EYS: variants seen among roughly 807,000 people sequenced by gnomAD.
EYS encodes EGF-like photoreceptor maintenance factor.
A neutral mutation model predicts 282.1 loss-of-function variants in EYS; 250 were observed. That is an observed-to-expected ratio of 0.89 (90% confidence interval 0.80 to 0.98). EYS has a LOEUF of 0.98. Ranked by LOEUF, EYS falls within the 50% of genes least tolerant of loss-of-function variation. The pLI, the probability that EYS is intolerant of heterozygous loss-of-function variation, is 0.00. For missense variants in EYS, 4,016 were observed against 3,709.0 expected (o/e 1.08, Z -2.15); for synonymous variants, 1,355 against 1,282.9 (o/e 1.06, Z -1.20).
intron 7 of EYS, among the ~76,000 whole-genome samples, chr6:65,401,477 A>G (rs928074219): frequency 6.6e-6 from 1 of 151,638 alleles, no homozygotes; most frequent in Admixed American, 6.6e-5. Context: ...AGAATTGTAA[A>G]TTAAAAGTAA....
At chr6:64,806,691 C>T (rs56886711) in intron 22 of EYS, among the ~76,000 whole-genome samples, 10,326 of 151,062 alleles carry the variant, frequency 0.068, 364 homozygotes, top group African/African-American at 0.092. Context: ...ATGGAGATAA[C>T]GACCAAGGAG....
intron 33 of EYS, among the ~76,000 whole-genome samples, chr6:64,020,012 G>T (rs910525159): frequency 6.6e-6 from 1 of 151,730 alleles, no homozygotes; most frequent in African/African-American, 2.4e-5. Flanking sequence ...TAACATTTTC[G>T]CAGAGTAATC....
At chr6:64,177,596 A>G (rs1764674164) in intron 31 of EYS, among the ~76,000 whole-genome samples, 1 of 152,178 alleles carries the variant, frequency 6.6e-6, no homozygotes, top group African/African-American at 2.4e-5. Flanking sequence ...TCACCTAGAT[A>G]ATTTTTGGTT....
intron 2 of EYS, among the ~76,000 whole-genome samples, chr6:65,561,778 A>C (rs1309195035): frequency 6.6e-6 from 1 of 151,910 alleles, no homozygotes; most frequent in Non-Finnish European, 1.5e-5. Context: ...CCACTACTCT[A>C]CTTCTATTAC....
At chr6:65,053,198 T>A (rs1192052630) in intron 13 of EYS, among the ~76,000 whole-genome samples, 1 of 151,760 alleles carries the variant, frequency 6.6e-6, no homozygotes, top group African/African-American at 2.4e-5. Flanking sequence ...AAGTTATAAC[T>A]GGTAATAAAA....
intron 31 of EYS, among the ~76,000 whole-genome samples, chr6:64,204,718 G>T (rs1298497300): frequency 6.6e-6 from 1 of 152,116 alleles, no homozygotes; most frequent in Non-Finnish European, 1.5e-5. Flanking sequence ...TTATGAACAA[G>T]CACAAGAAAA....
At chr6:65,544,510 C>A (rs1211531159) in intron 2 of EYS, among the ~76,000 whole-genome samples, 1 of 151,964 alleles carries the variant, frequency 6.6e-6, no homozygotes, top group Non-Finnish European at 1.5e-5. Flanking sequence ...AGGGCTTTCC[C>A]CCCTTTTGCT....
chr6:64,824,069 G>GA (rs947059219), intron 19 of EYS, among the ~76,000 whole-genome samples: 1 of 151,890 alleles, frequency 6.6e-6, no homozygotes, highest in African/African-American at 2.4e-5. Context: ...TGACTAGAGT[G>GA]AGTTACAGAT....
intron 26 of EYS, among the ~76,000 whole-genome samples, chr6:64,528,508 C>A (rs1777996492): frequency 1.3e-5 from 2 of 151,904 alleles, no homozygotes; most frequent in South Asian, 2.1e-4. Context: ...TAACATTTAA[C>A]CATTATTTCT....
chr6:64,251,799 G>C (rs565109780), intron 30 of EYS, among the ~76,000 whole-genome samples: 1 of 152,146 alleles, frequency 6.6e-6, no homozygotes, highest in Non-Finnish European at 1.5e-5. Context: ...CTCTTGAAGA[G>C]GTTAATGAGA....
intron 26 of EYS, among the ~76,000 whole-genome samples, chr6:64,449,479 A>G (rs1375883213): frequency 6.6e-6 from 1 of 152,188 alleles, no homozygotes; most frequent in Admixed American, 6.5e-5. Flanking sequence ...AGGCAGGCCA[A>G]CATTCAAATT....
chr6:65,200,611 G>A (rs1765876948), intron 12 of EYS, among the ~76,000 whole-genome samples: 1 of 151,552 alleles, frequency 6.6e-6, no homozygotes, highest in Non-Finnish European at 1.5e-5. Flanking sequence ...GAATTGACAC[G>A]AAGTACAGTT....
At chr6:64,601,801 C>T (rs193236035) in intron 24 of EYS, among the ~76,000 whole-genome samples, 7 of 152,152 alleles carry the variant, frequency 4.6e-5, no homozygotes, top group Non-Finnish European at 7.4e-5. Flanking sequence ...CTCAACCTAA[C>T]CTGACCCTGT....
chr6:64,287,630 C>T (rs1308185273), intron 30 of EYS, among the ~76,000 whole-genome samples: 7 of 136,694 alleles, frequency 5.1e-5, no homozygotes, highest in Non-Finnish European at 9.5e-5. Flanking sequence ...TGTAATGAGG[C>T]GGTATGGCCA....
intron 22 of EYS, among the ~76,000 whole-genome samples, chr6:64,692,347 T>TTGTTTG (rs1339480468): frequency 6.6e-6 from 1 of 152,142 alleles, no homozygotes; most frequent in Admixed American, 6.5e-5. Context: ...ACGGGGTTAT[T>TTGTTTG]AGTTAAATTC....
intron 2 of EYS, among the ~76,000 whole-genome samples, chr6:65,619,566 C>T (rs1766382749): frequency 6.6e-6 from 1 of 152,026 alleles, no homozygotes; most frequent in Non-Finnish European, 1.5e-5. Context: ...GCCTAATTGC[C>T]CTGGCCAGAA....
At chr6:64,665,490 AGTCACCATTAATATG>A (rs1447427067) in intron 22 of EYS, among the ~76,000 whole-genome samples, 2 of 152,208 alleles carry the variant, frequency 1.3e-5, no homozygotes, top group Non-Finnish European at 2.9e-5. Flanking sequence ...AAACAGCCCT[AGTCACCATTAATATG>A]GTCATTCTAA....
intron 12 of EYS, among the ~76,000 whole-genome samples, chr6:65,168,244 G>A (rs887837460): frequency 2.0e-5 from 3 of 151,130 alleles, no homozygotes; most frequent in Non-Finnish European, 4.4e-5. Flanking sequence ...GGCAGGCCTG[G>A]AAGTTCAGTA....
intron 31 of EYS, among the ~76,000 whole-genome samples, chr6:64,103,745 A>T (rs999655254): frequency 6.6e-6 from 1 of 152,182 alleles, no homozygotes; most frequent in African/African-American, 2.4e-5. Flanking sequence ...TCAGCAATGT[A>T]CAAGCAGCTT....
Sources: allele counts gnomAD v4.1 joint callset (sites outside exome capture counted in the v4.1 genomes callset), GRCh38; gene constraint gnomAD v4.1.1; transcripts MANE v1.5; gene names NCBI Gene and HGNC (gene_info 2026-07-23, HGNC 2026-07-21).